Variants in TBC1D5 observed in about 807,000 individuals in gnomAD.
The protein encoded by TBC1D5 is TBC1 domain family, member 5.
Under a neutral mutation model 100.3 loss-of-function variants are expected in TBC1D5, and 75 were observed. The observed-to-expected ratio is 0.75, with a 90% CI of 0.62 to 0.91. The LOEUF is 0.91. Among genes scored for constraint, TBC1D5 ranks in the 40% least tolerant of loss-of-function variants. The pLI is 0.00. For synonymous variants in TBC1D5, 323 were observed against 325.6 expected (o/e 0.99, Z 0.09); for missense variants, 910 against 942.4 (o/e 0.97, Z 0.45).
chr3:17,238,298 C>T, exon 17 of TBC1D5: 2 of 1,614,024 alleles, frequency 1.2e-6, no homozygotes, highest in Non-Finnish European at 1.7e-6. Context: ...CTGCTGTTGC[C>T]TCCAGGTACA....
chr3:17,380,543 G>A (rs991950921), intron 9 of TBC1D5, among the ~76,000 whole-genome samples: 12 of 151,972 alleles, frequency 7.9e-5, no homozygotes, highest in East Asian at 1.9e-4. Flanking sequence ...TTGATAGTAC[G>A]CTTCTGGTTC....
chr3:17,523,805 G>A (rs2096092781), intron 2 of TBC1D5, among the ~76,000 whole-genome samples: 1 of 152,184 alleles, frequency 6.6e-6, no homozygotes, highest in African/African-American at 2.4e-5. Flanking sequence ...CAAGATTGGT[G>A]CACAGAGTGG....
chr3:17,234,535 C>T (rs2075706464), intron 17 of TBC1D5, among the ~76,000 whole-genome samples: 1 of 151,964 alleles, frequency 6.6e-6, no homozygotes, highest in African/African-American at 2.4e-5. Context: ...GGAAGGAAGA[C>T]TTTTTGGTTC....
intron 3 of TBC1D5, among the ~76,000 whole-genome samples, chr3:17,469,020 T>C (rs760054403): frequency 6.6e-6 from 1 of 152,142 alleles, no homozygotes; most frequent in Non-Finnish European, 1.5e-5. Flanking sequence ...CCGAAGTCAT[T>C]TGATGGCTGA....
chr3:17,281,889 G>GT (rs1027058855), intron 15 of TBC1D5, among the ~76,000 whole-genome samples: 2 of 151,882 alleles, frequency 1.3e-5, no homozygotes, highest in African/African-American at 4.8e-5. Context: ...AAAAGTGATG[G>GT]TTTTTTTGTT....
At chr3:17,655,116 T>C (rs1165732791) in intron 1 of TBC1D5, among the ~76,000 whole-genome samples, 1 of 151,998 alleles carries the variant, frequency 6.6e-6, no homozygotes, top group Non-Finnish European at 1.5e-5. Context: ...AACCAGCTCC[T>C]GGATTCATTA....
At chr3:17,258,616 A>G (rs1369964616) in intron 15 of TBC1D5, 25 bp from the exon 16 acceptor site, 2 of 1,587,334 alleles carry the variant, frequency 1.3e-6, no homozygotes, top group Non-Finnish European at 1.7e-6. Context: ...ATTTTTAAAA[A>G]GCTAGTTAAA....
rs142569732 is a variant in TBC1D5 at position 17,341,645 on chromosome 3, G to A, written c.995+30430C>T. 8.3e-4 allele frequency among the ~76,000 whole-genome samples: 126 copies of A among 152,110 alleles called. 2 individuals carry two copies. In the East Asian group the frequency reaches 0.012, roughly 14 times the overall value. On this transcript the variant is annotated intron_variant, in intron 13 of 21. Transcript: ENST00000253692. ...AGGCTGACTCATATTCTTAATCACC[G>A]TTCTATATTACCTTCTAATAAATGA...
intron 2 of TBC1D5, among the ~76,000 whole-genome samples, chr3:17,552,843 G>A (rs565359924): frequency 8.5e-5 from 13 of 152,062 alleles, no homozygotes; most frequent in Non-Finnish European, 5.9e-5. Context: ...AGAAAAAACA[G>A]GTAATACAGA....
rs575145596 is a variant in TBC1D5, at chr3:17,705,532, G to A, written c.-101+33811C>T. On this transcript the variant is annotated intron_variant, in intron 1 of 21. Coordinates refer to ENST00000253692, the Ensembl canonical transcript of TBC1D5. Reference sequence around the variant, plus strand: ...CGGAGGGTCTCCTCACTTCTCAGACGGGGCGGCCGGGCAGAGACGCTCCTC... The same window carrying A: ...CGGAGGGTCTCCTCACTTCTCAGACAGGGCGGCCGGGCAGAGACGCTCCTC... Among the ~76,000 whole-genome samples, 130 of 147,130 alleles carry A rather than the reference G, an allele frequency of 8.8e-4. 1 individual carries two copies. In the South Asian group the frequency reaches 0.017, roughly 19 times the overall value.
At chr3:17,516,431 A>G (rs1341606980) in intron 2 of TBC1D5, among the ~76,000 whole-genome samples, 2 of 152,206 alleles carry the variant, frequency 1.3e-5, no homozygotes, top group African/African-American at 4.8e-5. Context: ...AAATTATAAT[A>G]AAGTAGTAGG....
At chr3:17,283,019 T>C (rs888083024) in intron 15 of TBC1D5, among the ~76,000 whole-genome samples, 9 of 152,246 alleles carry the variant, frequency 5.9e-5, no homozygotes, top group African/African-American at 2.2e-4. Flanking sequence ...GCCTGGTTGC[T>C]TACTTCAGAA....
At chr3:17,283,837 C>T (rs1268732934) in intron 15 of TBC1D5, among the ~76,000 whole-genome samples, 2 of 152,130 alleles carry the variant, frequency 1.3e-5, no homozygotes, top group Non-Finnish European at 2.9e-5. Context: ...CACTCTCAGG[C>T]ACGTTCCCCT....
chr3:17,350,203 C>T (rs1012483982), intron 13 of TBC1D5, among the ~76,000 whole-genome samples: 2 of 151,768 alleles, frequency 1.3e-5, no homozygotes, highest in African/African-American at 4.8e-5. Flanking sequence ...CATTTTTTAC[C>T]ACTATCCCAC....
At chr3:17,369,142 TTCTA>T (rs1234179451) in intron 13 of TBC1D5, among the ~76,000 whole-genome samples, 2 of 152,184 alleles carry the variant, frequency 1.3e-5, no homozygotes, top group African/African-American at 4.8e-5. Context: ...TACTCCCAAC[TTCTA>T]TAGCATCACT....
intron 2 of TBC1D5, among the ~76,000 whole-genome samples, chr3:17,530,736 A>G (rs1193655282): frequency 1.3e-5 from 2 of 152,238 alleles, no homozygotes; most frequent in Non-Finnish European, 2.9e-5. Flanking sequence ...CAAAAACCAC[A>G]CGATTATCTC....
At position 17,642,731 on chromosome 3, in the gene TBC1D5, A is replaced by G. The variant is rs568231800; in HGVS notation, c.-100-18818T>C. 9.2e-5 allele frequency among the ~76,000 whole-genome samples: 14 copies of G among 152,284 alleles called. No individual in the cohort carries two copies. In the East Asian group the frequency reaches 2.5e-3, roughly 27 times the overall value. ...GGAACTCTGCCCAAGATAAAACCCA[A>G]GACATTTCATTACTAAAACTAAGAC... is the stretch of plus-strand genomic sequence containing the variant. On this transcript the variant is annotated intron_variant, in intron 1 of 21. Transcript: ENST00000253692.
intron 14 of TBC1D5, among the ~76,000 whole-genome samples, chr3:17,302,614 T>C (rs1170277919): frequency 6.6e-6 from 1 of 152,084 alleles, no homozygotes; most frequent in Non-Finnish European, 1.5e-5. Flanking sequence ...CTATAGACAT[T>C]TGACCCAGAG....
chr3:17,408,623 T>C (rs960773744), intron 4 of TBC1D5, among the ~76,000 whole-genome samples: 1 of 152,174 alleles, frequency 6.6e-6, no homozygotes, highest in Non-Finnish European at 1.5e-5. Flanking sequence ...GCCCAAGTCC[T>C]ATACTTTTAA....
Sources: gnomAD v4.1 joint callset for allele counts (sites outside exome capture counted in the v4.1 genomes callset) on GRCh38, gnomAD v4.1.1 for gene constraint, MANE v1.5 for transcripts, NCBI Gene and HGNC (gene_info 2026-07-23, HGNC 2026-07-21) for gene names.